The following CPXM2 variants were observed in gnomAD, a reference collection of about 807,000 sequenced individuals.
CPXM2 encodes inactive carboxypeptidase-like protein X2.
In CPXM2, 66 loss-of-function variants were observed where a neutral mutation model predicts 86.1. The observed-to-expected ratio is 0.77, with a 90% CI of 0.63 to 0.94. The LOEUF is 0.94. Ranked by LOEUF, CPXM2 falls within the 40% of genes least tolerant of loss-of-function variation. The probability of loss-of-function intolerance (pLI) is 0.00; values close to 1 mark genes in which losing one functional copy is unlikely to be tolerated. For synonymous variants in CPXM2, 388 were observed against 400.2 expected (o/e 0.97, Z 0.36); for missense variants, 948 against 1,026.3 (o/e 0.92, Z 1.04).
At chr10:123,771,088 T>C in intron 7 of CPXM2, 49 bp from the exon 8 acceptor site, 1 of 1,582,722 alleles carries the variant, frequency 6.3e-7, no homozygotes. Flanking sequence ...GACGATGCAC[T>C]AAAAGGACAG....
At chr10:123,840,692 CAT>C (rs1315452381) in intron 4 of CPXM2, among the ~76,000 whole-genome samples, 5 of 152,040 alleles carry the variant, frequency 3.3e-5, no homozygotes, top group Non-Finnish European at 7.4e-5. Context: ...CGGAATCATG[CAT>C]AATGTTTTAA....
chr10:123,810,331 A>T (rs1198151188), intron 4 of CPXM2, among the ~76,000 whole-genome samples: 1 of 152,038 alleles, frequency 6.6e-6, no homozygotes, highest in African/African-American at 2.4e-5. Flanking sequence ...TCTCTCAATT[A>T]TTATTTTAAA....
intron 2 of CPXM2, chr10:123,931,416 C>T (rs759899582): frequency 2.6e-5 from 4 of 152,238 alleles, no homozygotes; most frequent in Non-Finnish European, 5.9e-5. Flanking sequence ...CCATGTGCCC[C>T]ATCCCTTGGC....
At chr10:123,915,169 C>T (rs1273730466) in intron 2 of CPXM2, among the ~76,000 whole-genome samples, 1 of 152,226 alleles carries the variant, frequency 6.6e-6, no homozygotes, top group Non-Finnish European at 1.5e-5. Flanking sequence ...GGTCCTCGCC[C>T]TGCCCTTCAC....
chr10:123,893,568 C>T (rs1374799382), upstream of CPXM2, among the ~76,000 whole-genome samples: 1 of 152,174 alleles, frequency 6.6e-6, no homozygotes, highest in East Asian at 1.9e-4. Flanking sequence ...CCCCAGGACG[C>T]TCTGGAATCC....
intron 1 of CPXM2, among the ~76,000 whole-genome samples, chr10:123,889,836 C>T (rs1483454559): frequency 6.6e-6 from 1 of 152,090 alleles, no homozygotes; most frequent in African/African-American, 2.4e-5. Flanking sequence ...AGCACTACCC[C>T]CAGTGACTGC....
At chr10:123,784,853 A>C (rs939044258) in intron 6 of CPXM2, among the ~76,000 whole-genome samples, 2 of 152,238 alleles carry the variant, frequency 1.3e-5, no homozygotes, top group African/African-American at 4.8e-5. Flanking sequence ...GCAGAAGAAT[A>C]GGGTCTGGAA....
In CPXM2 at chr10:123,881,232, T is replaced by TCCCCTCCCCTCCC. The variant is rs745377217; in HGVS notation, c.305-924_305-923insGGGAGGGGAGGGG. Among the ~76,000 whole-genome samples, 32 of 64,880 alleles carry TCCCCTCCCCTCCC rather than the reference T, an allele frequency of 4.9e-4. 4 individuals are homozygous for TCCCCTCCCCTCCC. The highest frequency in any genetic ancestry group is 2.0e-3 in the African/African-American group (20 of 9,786). 42.6% of individuals were successfully genotyped at this position (64,880 alleles called of 152,430 possible). On this transcript the variant is annotated intron_variant, in intron 1 of 13. Coordinates refer to ENST00000241305, the MANE Select transcript of CPXM2 (RefSeq NM_198148.3). The stretch of plus-strand genomic sequence containing the variant: ...TGTTCCTTCTCCTGGAGCACCCTTC[T>TCCCCTCCCCTCCC]CTTCCCTTCCCTTCCCTTCCCTTCC...
intron 2 of CPXM2, among the ~76,000 whole-genome samples, chr10:123,935,108 A>C (rs1945702780): frequency 6.6e-6 from 1 of 152,144 alleles, no homozygotes; most frequent in Admixed American, 6.5e-5. Context: ...AGGTGTGTGC[A>C]TTGTAAGAGA....
Position 123,782,791 on chromosome 10 carries a change from G to A in CPXM2, c.890-2536C>T, listed in dbSNP as rs190017464. Among the ~76,000 whole-genome samples, 4 of 152,302 alleles carry A rather than the reference G, an allele frequency of 2.6e-5. No homozygotes were observed. The East Asian group carries it at 7.7e-4, about 29-fold the overall frequency. On this transcript the variant is annotated intron_variant, in intron 6 of 13. Coordinates refer to ENST00000241305, the MANE Select transcript of CPXM2 (RefSeq NM_198148.3). ...TTGAATAGGAGCTGCGGAAAATGAGGCTGAGACCTGCTGGGCTGCATTCCC... is the reference window on the plus strand; with the variant it reads ...TTGAATAGGAGCTGCGGAAAATGAGACTGAGACCTGCTGGGCTGCATTCCC...
intron 3 of CPXM2, 148 bp from the exon 4 acceptor site, chr10:123,842,636 C>T (rs1848411311): frequency 1.4e-6 from 1 of 726,418 alleles, no homozygotes; most frequent in East Asian, 2.7e-5. Flanking sequence ...GTGCCCTGAA[C>T]TCCTCATCCT....
chr10:123,888,308 A>G (rs1349088775), intron 1 of CPXM2, among the ~76,000 whole-genome samples: 2 of 152,218 alleles, frequency 1.3e-5, no homozygotes, highest in African/African-American at 4.8e-5. Context: ...GATAAAGTAC[A>G]TATAGACTTT....
chr10:123,755,230 G>A (rs1339696542), intron 12 of CPXM2, among the ~76,000 whole-genome samples: 2 of 152,206 alleles, frequency 1.3e-5, no homozygotes, highest in Non-Finnish European at 2.9e-5. Flanking sequence ...GGAGGTGGGT[G>A]GTCTGCCTTG....
chr10:123,825,581 C>T (rs889342492), intron 4 of CPXM2, among the ~76,000 whole-genome samples: 15 of 152,200 alleles, frequency 9.9e-5, no homozygotes, highest in Non-Finnish European at 2.1e-4. Context: ...CTTGAACTAG[C>T]GTTCACAGCT....
chr10:123,926,414 T>C (rs1945622177), intron 2 of CPXM2, among the ~76,000 whole-genome samples: 1 of 152,244 alleles, frequency 6.6e-6, no homozygotes, highest in Non-Finnish European at 1.5e-5. Flanking sequence ...CACAGTTTAT[T>C]GGAATCATCT....
intron 4 of CPXM2, among the ~76,000 whole-genome samples, chr10:123,837,150 C>A (rs193023909): frequency 1.3e-5 from 2 of 152,246 alleles, no homozygotes; most frequent in Non-Finnish European, 2.9e-5. Flanking sequence ...AAAAGCTGAA[C>A]GTGGAACTCC....
chr10:123,770,905 G>A lies in CPXM2; in HGVS notation c.1102+11C>T, dbSNP rs780872541. On this transcript the variant is annotated intron_variant, in intron 8 of 13. Coordinates refer to ENST00000241305, the MANE Select transcript of CPXM2 (RefSeq NM_198148.3). The stretch of plus-strand genomic sequence containing the variant: ...TGAAGGGGCCAAGCATCCCAGAGGG[G>A]CCCTTCTCACCGACTTCATGCTCCC... 10 of 1,610,058 alleles carry A rather than the reference G, an allele frequency of 6.2e-6. No homozygotes were observed. The East Asian group carries it at 2.2e-4, about 36-fold the overall frequency.
chr10:123,924,748 G>T (rs1369586492), intron 2 of CPXM2, among the ~76,000 whole-genome samples: 3 of 152,092 alleles, frequency 2.0e-5, no homozygotes, highest in African/African-American at 7.2e-5. Flanking sequence ...TGGTCTTTCT[G>T]GTAACCAGAC....
At position 123,764,828 on chromosome 10, in the gene CPXM2, ACTT is replaced by A. The variant is rs547512564; in HGVS notation, c.1479+2142_1479+2144del. ...AATTAATTTATTTATTTATTTGCTA[ACTT>A]CTTAAGTTAGTTAACTCTCAGCCTT... is the stretch of plus-strand genomic sequence containing the variant. On this transcript the variant is annotated intron_variant, in intron 10 of 13. Coordinates refer to ENST00000241305, the MANE Select transcript of CPXM2 (RefSeq NM_198148.3). 4.0e-3 allele frequency among the ~76,000 whole-genome samples: 602 copies of A among 152,098 alleles called. 2 individuals carry two copies. The highest frequency in any genetic ancestry group is 6.8e-3 in the Middle Eastern group (2 of 294).
Sources: allele counts gnomAD v4.1 joint callset (sites outside exome capture counted in the v4.1 genomes callset), GRCh38; gene constraint gnomAD v4.1.1; transcripts MANE v1.5; gene names NCBI Gene and HGNC (gene_info 2026-07-23, HGNC 2026-07-21).